Variants in GALNT18 observed in about 807,000 individuals in gnomAD.
The protein encoded by GALNT18 is GalNAc-transferase 18.
Under a neutral mutation model 69.5 loss-of-function variants are expected in GALNT18, and 44 were observed. The observed-to-expected ratio is 0.63, with a 90% CI of 0.50 to 0.81. The LOEUF (loss-of-function observed/expected upper bound fraction) is 0.81. GALNT18 is among the 40% of genes least tolerant of loss of function. The pLI is 0.00. For synonymous variants in GALNT18, 364 were observed against 318.2 expected (o/e 1.14, Z -1.53); for missense variants, 715 against 810.0 (o/e 0.88, Z 1.42).
intron 7 of GALNT18, among the ~76,000 whole-genome samples, chr11:11,333,504 G>A (rs1355051056): frequency 2.0e-5 from 3 of 152,106 alleles, no homozygotes; most frequent in East Asian, 1.9e-4. Flanking sequence ...ACTAATAAAC[G>A]GTGGAGCTGA....
intron 1 of GALNT18, among the ~76,000 whole-genome samples, chr11:11,458,899 T>C (rs1855980538): frequency 6.6e-6 from 1 of 152,208 alleles, no homozygotes; most frequent in South Asian, 2.1e-4. Flanking sequence ...CAGGAAGCCT[T>C]GGCCTAACCT....
In GALNT18 at chr11:11,496,524, C is replaced by T. The variant is rs1856869090; in HGVS notation, c.236-47588G>A. On this transcript the variant is annotated intron_variant, in intron 1 of 10. Coordinates refer to ENST00000227756, the MANE Select transcript of GALNT18 (RefSeq NM_198516.3). The surrounding 1 kb of genome is among the most constrained non-coding windows in gnomAD (Gnocchi z 4.0). ...GATGGTTCTTAGGAAAAGATTTCCT[C>T]TTCATCAATTCTACTTTTCTAAAGA... is the stretch of plus-strand genomic sequence containing the variant. Among the ~76,000 whole-genome samples the T allele has an allele frequency of 6.6e-6, 1 of 152,226 alleles. No individual in the cohort carries two copies. Among genetic ancestry groups the T allele is most frequent in the Non-Finnish European group, 1.5e-5 (1 of 68,036 alleles).
chr11:11,289,019 C>T (rs557904178), intron 10 of GALNT18, among the ~76,000 whole-genome samples: 7 of 152,306 alleles, frequency 4.6e-5, no homozygotes, highest in African/African-American at 1.7e-4. Context: ...TTCAGCCCAA[C>T]TTGAGTACCA....
At chr11:11,370,726 A>G (rs1850882329) in intron 6 of GALNT18, among the ~76,000 whole-genome samples, 1 of 152,194 alleles carries the variant, frequency 6.6e-6, no homozygotes, top group South Asian at 2.1e-4. Flanking sequence ...TTATAATCTA[A>G]GGAAGGAAAA....
intron 10 of GALNT18, among the ~76,000 whole-genome samples, chr11:11,274,564 A>G (rs943218067): frequency 2.9e-4 from 44 of 152,132 alleles, no homozygotes; most frequent in Admixed American, 2.8e-3. Flanking sequence ...ATTTTTTATT[A>G]TTGTACTTTA....
rs1445553633 is a variant in GALNT18, at chr11:11,470,339, T to C, written c.236-21403A>G. 2.0e-5 allele frequency among the ~76,000 whole-genome samples: 3 copies of C among 152,286 alleles called. No individual in the cohort carries two copies. Among genetic ancestry groups the C allele is most frequent in the East Asian group, 1.9e-4 (1 of 5,178 alleles). ...TAGTCCTGTGCAGGCATGGAGGAAATTGTACGGTCATGCCCTACATTCATA... is the reference window on the plus strand; with the variant it reads ...TAGTCCTGTGCAGGCATGGAGGAAACTGTACGGTCATGCCCTACATTCATA... On this transcript the variant is annotated intron_variant, in intron 1 of 10. Transcript: ENST00000227756. This position sits in a 1 kb window ranked among gnomAD's most constrained non-coding sequence, Gnocchi z 4.8.
rs1447457930 is a variant in GALNT18, at chr11:11,309,848, T to A, written c.1513-16655A>T. Among the ~76,000 whole-genome samples the A allele has an allele frequency of 3.3e-5, 5 of 152,172 alleles. No homozygotes were observed. The highest frequency in any genetic ancestry group is 7.3e-5 in the Non-Finnish European group (5 of 68,034). On this transcript the variant is annotated intron_variant, in intron 9 of 10. Transcript: ENST00000227756. This position sits in a 1 kb window ranked among gnomAD's most constrained non-coding sequence, Gnocchi z 4.6. ...GTTCCTCCTGGGCCTCAGCAGAAGT[T>A]CATTTCCTGTGCTCCAGGACCATCC...
chr11:11,367,513 C>T (rs1396844025), intron 6 of GALNT18, among the ~76,000 whole-genome samples: 1 of 152,122 alleles, frequency 6.6e-6, no homozygotes, highest in Non-Finnish European at 1.5e-5. Context: ...ACAGCTCAAT[C>T]CAGTCAGGAG....
At chr11:11,323,753 T>C (rs1849873973) in intron 9 of GALNT18, among the ~76,000 whole-genome samples, 1 of 152,262 alleles carries the variant, frequency 6.6e-6, no homozygotes, top group Non-Finnish European at 1.5e-5. Flanking sequence ...CCACTTTCTC[T>C]GTCCCCTTTA....
At chr11:11,345,005 T>C (rs1053768639) in intron 6 of GALNT18, among the ~76,000 whole-genome samples, 1 of 152,076 alleles carries the variant, frequency 6.6e-6, no homozygotes, top group African/African-American at 2.4e-5. Context: ...ATTTAATAAT[T>C]ATTACGTTGC....
At chr11:11,594,216 C>T (rs1466988607) in intron 1 of GALNT18, among the ~76,000 whole-genome samples, 1 of 152,214 alleles carries the variant, frequency 6.6e-6, no homozygotes, top group South Asian at 2.1e-4. Flanking sequence ...GTCTTAAATG[C>T]AGAAATGCTT....
At chr11:11,403,596 GAA>G (rs1854516690) in intron 3 of GALNT18, among the ~76,000 whole-genome samples, 1 of 152,192 alleles carries the variant, frequency 6.6e-6, no homozygotes, top group African/African-American at 2.4e-5. Context: ...TTCTCCTTCT[GAA>G]AGTCCCCAAG....
chr11:11,305,931 C>G (rs1849569655), intron 9 of GALNT18, among the ~76,000 whole-genome samples: 1 of 152,194 alleles, frequency 6.6e-6, no homozygotes, highest in Non-Finnish European at 1.5e-5. Context: ...TGCAGGTGCA[C>G]TCCCTGGTGC....
chr11:11,286,847 T>G (rs1262552582), intron 10 of GALNT18, among the ~76,000 whole-genome samples: 1 of 152,174 alleles, frequency 6.6e-6, no homozygotes, highest in Non-Finnish European at 1.5e-5. Flanking sequence ...TGCTTTGTAT[T>G]CAGGCTGGCC....
chr11:11,579,488 T>C (rs1481903702), intron 1 of GALNT18, among the ~76,000 whole-genome samples: 1 of 152,140 alleles, frequency 6.6e-6, no homozygotes, highest in African/African-American at 2.4e-5. Flanking sequence ...GCTGCTCGGA[T>C]TAGGTGGGGG....
At position 11,595,804 on chromosome 11, in the gene GALNT18, C is replaced by T. The variant is rs577012779; in HGVS notation, c.235+25555G>A. ...TATTAACCCCTTACCAGATAAATGA[C>T]TCCCAAATATTTTCCCCAATTCATT... On this transcript the variant is annotated intron_variant, in intron 1 of 10. Coordinates refer to ENST00000227756, the MANE Select transcript of GALNT18 (RefSeq NM_198516.3). This position sits in a 1 kb window ranked among gnomAD's most constrained non-coding sequence, Gnocchi z 5.2. 2.6e-5 allele frequency among the ~76,000 whole-genome samples: 4 copies of T among 152,226 alleles called. No individual in the cohort carries two copies. In the South Asian group the frequency reaches 8.3e-4, roughly 32 times the overall value.
At position 11,546,791 on chromosome 11, in the gene GALNT18, A is replaced by G. The variant is rs1858062301; in HGVS notation, c.235+74568T>C. Among the ~76,000 whole-genome samples the G allele has an allele frequency of 6.6e-6, 1 of 152,050 alleles. No homozygotes were observed. Among genetic ancestry groups the G allele is most frequent in the Non-Finnish European group, 1.5e-5 (1 of 68,016 alleles). ...CTTATAAATTATCTGAGGACCTGGCATAGAGCAGGCACTCAGATCAATTTT... is the reference window on the plus strand; with the variant it reads ...CTTATAAATTATCTGAGGACCTGGCGTAGAGCAGGCACTCAGATCAATTTT... On this transcript the variant is annotated intron_variant, in intron 1 of 10. Transcript: ENST00000227756. The surrounding 1 kb of genome is among the most constrained non-coding windows in gnomAD (Gnocchi z 5.8).
chr11:11,331,604 G>A (rs914701405), intron 8 of GALNT18, among the ~76,000 whole-genome samples: 1 of 152,128 alleles, frequency 6.6e-6, no homozygotes, highest in African/African-American at 2.4e-5. Flanking sequence ...TTCATCTTGA[G>A]ATATCAAAAA....
In GALNT18 at chr11:11,543,817, C is replaced by T. The variant is rs1857981531; in HGVS notation, c.235+77542G>A. 6.6e-6 allele frequency among the ~76,000 whole-genome samples: 1 copy of T among 152,202 alleles called. No homozygotes were observed. Among genetic ancestry groups the T allele is most frequent in the Non-Finnish European group, 1.5e-5 (1 of 68,044 alleles). ...CCACGGTGGGTGGGTGTGGTTATTG[C>T]TCCCATTTCTTCTTCTGGCGCTCTG... On this transcript the variant is annotated intron_variant, in intron 1 of 10. Transcript: ENST00000227756. This position sits in a 1 kb window ranked among gnomAD's most constrained non-coding sequence, Gnocchi z 5.1.
Sources: gnomAD v4.1 joint callset for allele counts (sites outside exome capture counted in the v4.1 genomes callset) on GRCh38, gnomAD v4.1.1 for gene constraint, Gnocchi (gnomAD v3.1) non-coding constraint, MANE v1.5 for transcripts, NCBI Gene and HGNC (gene_info 2026-07-23, HGNC 2026-07-21) for gene names.